Variants in NHLRC3 observed in about 807,000 individuals in gnomAD.
The protein encoded by NHLRC3 is NHL repeat-containing protein 3.
A neutral mutation model predicts 32.0 loss-of-function variants in NHLRC3; 23 were observed. The ratio of observed to expected loss-of-function variants is 0.72; its 90% confidence interval spans 0.52 to 1.02. NHLRC3 has a LOEUF of 1.02. Among genes scored for constraint, NHLRC3 ranks in the 50% least tolerant of loss-of-function variants. The pLI is 0.00. For missense variants in NHLRC3, 407 were observed against 406.8 expected, an observed-to-expected ratio of 1.00 and a Z score of -0.01; for synonymous variants, 159 against 147.9, an observed-to-expected ratio of 1.08 and a Z score of -0.55.
chr13:39,049,691 T>G lies in NHLRC3; in HGVS notation c.*1765T>G, dbSNP rs1013704331. 1 of 152,246 alleles carries G rather than the reference T, an allele frequency of 6.6e-6. No individual in the cohort carries two copies. Among genetic ancestry groups the G allele is most frequent in the Non-Finnish European group, 1.5e-5 (1 of 68,048 alleles). 9.4% of individuals were successfully genotyped at this position (152,246 alleles called of 1,614,324 possible). ...TAAAAGAAAGTAATTTCAGGGTTTG[T>G]TTTTAAGCCAGGACAAGAAGTGCAA... On this transcript the variant is annotated 3_prime_UTR_variant, in exon 7 of 7. Coordinates refer to ENST00000379600, the MANE Select transcript of NHLRC3 (RefSeq NM_001012754.4).
chr13:39,039,511 G>A, intron 2 of NHLRC3, 53 bp from the exon 3 acceptor site: 1 of 1,463,488 alleles, frequency 6.8e-7, no homozygotes. Context: ...CCAAGATACA[G>A]ATTACCTTTC....
At chr13:39,047,642 A>G in intron 6 of NHLRC3, 32 bp from the exon 7 acceptor site, 1 of 1,575,280 alleles carries the variant, frequency 6.3e-7, no homozygotes. Context: ...TTTTTCACAG[A>G]CATTTATTAT....
intron 3 of NHLRC3, chr13:39,040,248 A>C (rs1871416638): frequency 6.6e-6 from 1 of 152,110 alleles, no homozygotes; most frequent in African/African-American, 2.4e-5. Flanking sequence ...TCTTTCCTTG[A>C]ACTTGTCTAG....
In NHLRC3 at chr13:39,048,129, T is replaced by G; in HGVS notation, c.*203T>G. 2.2e-6 allele frequency: 1 copy of G among 463,198 alleles called. No homozygotes were observed. Among genetic ancestry groups the G allele is most frequent in the Non-Finnish European group, 3.8e-6 (1 of 262,426 alleles). 28.7% of individuals were successfully genotyped at this position (463,198 alleles called of 1,614,324 possible). ...TATTTGTAAGTGCATAAGGATATTT[T>G]AATGAAAGGAAAGTAACTAAAAAAT... On this transcript the variant is annotated 3_prime_UTR_variant, in exon 7 of 7. Coordinates refer to ENST00000379600, the MANE Select transcript of NHLRC3 (RefSeq NM_001012754.4).
At chr13:39,038,824 C>T (rs1871321046) in intron 1 of NHLRC3, 101 bp downstream of exon 1, 1 of 986,964 alleles carries the variant, frequency 1.0e-6, no homozygotes, top group Admixed American at 1.7e-5. Flanking sequence ...CTGGTTCCCT[C>T]AGTAGCTTGT....
At chr13:39,038,808 C>A (rs1871319421) in intron 1 of NHLRC3, 85 bp downstream of exon 1, 2 of 1,127,002 alleles carry the variant, frequency 1.8e-6, no homozygotes, top group Non-Finnish European at 2.7e-6. Context: ...ATGGAGGTGG[C>A]AGGCCCTGGT....
intron 3 of NHLRC3, chr13:39,041,889 C>A: frequency 2.1e-6 from 1 of 467,544 alleles, no homozygotes; most frequent in Non-Finnish European, 3.8e-6. Flanking sequence ...ATTTAGAATC[C>A]GCTTATTTTG....
chr13:39,041,969 T>C (rs1871480770), intron 3 of NHLRC3, 136 bp from the exon 4 acceptor site: 2 of 593,242 alleles, frequency 3.4e-6, no homozygotes, highest in African/African-American at 1.9e-5. Flanking sequence ...TGCTTGTCAA[T>C]TATATGTAAT....
Position 39,044,229 on chromosome 13 carries a change from T to TTGTGTGTGTGTGTGTG in NHLRC3, c.678+72_678+87dup, listed in dbSNP as rs370553701. On this transcript the variant is annotated intron_variant, in intron 5 of 6. Coordinates refer to ENST00000379600, the MANE Select transcript of NHLRC3 (RefSeq NM_001012754.4). ...TCTGGGACTTTGTGTCTGAATATGT[T>TTGTGTGTGTGTGTGTG]TGTGTGTGTGTGTGTGTGTGTGTGT... The TTGTGTGTGTGTGTGTG allele has an allele frequency of 1.2e-5, 10 of 859,150 alleles. No individual in the cohort carries two copies. The African/African-American group carries it at 1.6e-4, about 14-fold the overall frequency. The allele number at this position is 859,150 out of a possible 1,614,324, so 53.2% of individuals were successfully genotyped here.
At position 39,038,660 on chromosome 13, in the gene NHLRC3, C is replaced by T; in HGVS notation, c.21C>T (p.Cys7=). The part of the protein sequence containing the change: MARFWV[C]VAGAGFFLAF... The stretch of plus-strand genomic sequence containing the variant: ...TGGTCATGGCGAGATTCTGGGTCTG[C>T]GTAGCCGGTGCTGGCTTCTTTCTTG... The change falls in exon 1 of 7, where the codon TGC becomes TGT. Residue 7 remains cysteine, a synonymous_variant. Coordinates refer to ENST00000379600, the MANE Select transcript of NHLRC3 (RefSeq NM_001012754.4). 1 of 1,614,194 alleles carries T rather than the reference C, an allele frequency of 6.2e-7. No individual in the cohort carries two copies. Among genetic ancestry groups the T allele is most frequent in the Non-Finnish European group, 8.5e-7 (1 of 1,180,020 alleles).
At position 39,042,091 on chromosome 13, in the gene NHLRC3, A is replaced by G; in HGVS notation, c.386-14A>G. The G allele has an allele frequency of 1.4e-6, 2 of 1,475,136 alleles. No individual in the cohort carries two copies. The highest frequency in any genetic ancestry group is 2.3e-5 in the East Asian group (1 of 44,118). 91.4% of individuals were successfully genotyped at this position (1,475,136 alleles called of 1,614,324 possible). ...GTGGTTTTATTTGTGAGATGTACAT[A>G]TCTATCTTTATAGGATTCTTTGGTC... On this transcript the variant is annotated splice_polypyrimidine_tract_variant and intron_variant, in intron 3 of 6. Coordinates refer to ENST00000379600, the MANE Select transcript of NHLRC3 (RefSeq NM_001012754.4).
chr13:39,038,548 C>G lies in NHLRC3; in HGVS notation c.-92C>G. On this transcript the variant is annotated 5_prime_UTR_variant, in exon 1 of 7. Transcript: ENST00000379600. The stretch of plus-strand genomic sequence containing the variant: ...AGGGTCTTCGGGCCCCGGGCAGACC[C>G]TCTGTGCCGCTGCAAACCGTTGCAG... 9.2e-7 allele frequency: 1 copy of G among 1,092,786 alleles called. No homozygotes were observed. Among genetic ancestry groups the G allele is most frequent in the Non-Finnish European group, 1.4e-6 (1 of 706,004 alleles). 67.7% of individuals were successfully genotyped at this position (1,092,786 alleles called of 1,614,324 possible).
chr13:39,044,354 C>T, intron 5 of NHLRC3, 173 bp downstream of exon 5: 4 of 596,506 alleles, frequency 6.7e-6, no homozygotes, highest in Non-Finnish European at 1.2e-5. Context: ...TGGGTAATTA[C>T]TCTGGGGCTG....
chr13:39,041,540 A>G (rs575040212), intron 3 of NHLRC3: 6 of 152,536 alleles, frequency 3.9e-5, no homozygotes, highest in Admixed American at 2.0e-4. Context: ...ACGTGAGAAA[A>G]TAAGATACTC....
rs956520011 is a variant in NHLRC3 at position 39,038,565 on chromosome 13, C to T, written c.-75C>T. The T allele has an allele frequency of 2.3e-6, 3 of 1,285,168 alleles. No individual in the cohort carries two copies. The highest frequency in any genetic ancestry group is 3.4e-6 in the Non-Finnish European group (3 of 880,282). The allele number at this position is 1,285,168 out of a possible 1,614,324, so 79.6% of individuals were successfully genotyped here. ...GGCAGACCCTCTGTGCCGCTGCAAA[C>T]CGTTGCAGCCTGAGGCTGTCAGGTC... On this transcript the variant is annotated 5_prime_UTR_variant, in exon 1 of 7. Transcript: ENST00000379600.
At chr13:39,043,120 A>T (rs540101687) in intron 4 of NHLRC3, among the ~76,000 whole-genome samples, 1 of 152,340 alleles carries the variant, frequency 6.6e-6, no homozygotes, top group East Asian at 1.9e-4. Context: ...GAGCTCTGTC[A>T]TTTGGAGGCT....
In NHLRC3 at chr13:39,047,729, T is replaced by TC; in HGVS notation, c.848dup (p.Val284SerfsTer57). 6.2e-7 allele frequency: 1 copy of TC among 1,613,988 alleles called. No homozygotes were observed. The highest frequency in any genetic ancestry group is 8.5e-7 in the Non-Finnish European group (1 of 1,179,864). The stretch of plus-strand genomic sequence containing the variant: ...GGCCCAGCTGAATCTTAGCAGGCTC[T>TC]CAGTCGTAGCAGCACCCCCAGTGGG... On this transcript the variant is annotated frameshift_variant, in exon 7 of 7. Coordinates refer to ENST00000379600, the MANE Select transcript of NHLRC3 (RefSeq NM_001012754.4). LOFTEE classifies it low-confidence loss of function (END_TRUNC).
intron 5 of NHLRC3, among the ~76,000 whole-genome samples, chr13:39,045,682 C>T (rs1871643527): frequency 6.6e-6 from 1 of 152,248 alleles, no homozygotes; most frequent in Admixed American, 6.5e-5. Flanking sequence ...ATACTTCTTC[C>T]TTGGTCATTT....
rs999969796 is a variant in NHLRC3 at position 39,048,859 on chromosome 13, CTTTT to C, written c.*934_*937del. 6.6e-6 allele frequency: 1 copy of C among 151,076 alleles called. No homozygotes were observed. Among genetic ancestry groups the C allele is most frequent in the Non-Finnish European group, 1.5e-5 (1 of 67,578 alleles). 9.4% of individuals were successfully genotyped at this position (151,076 alleles called of 1,614,324 possible). On this transcript the variant is annotated 3_prime_UTR_variant, in exon 7 of 7. Coordinates refer to ENST00000379600, the MANE Select transcript of NHLRC3 (RefSeq NM_001012754.4). The stretch of plus-strand genomic sequence containing the variant: ...CTTCTCTTTTTTTTTCTTTTTCTTT[CTTTT>C]GTTTTACATGAACTCAACTTATTCC...
Sources: gnomAD v4.1 joint callset for allele counts (sites outside exome capture counted in the v4.1 genomes callset) on GRCh38, gnomAD v4.1.1 for gene constraint, MANE v1.5 for transcripts, NCBI Gene and HGNC (gene_info 2026-07-23, HGNC 2026-07-21) for gene names.